CKAP5: variants seen among roughly 807,000 people sequenced by gnomAD.
CKAP5 encodes the protein cytoskeleton associated protein 5.
In CKAP5, 27 loss-of-function variants were observed where a neutral mutation model predicts 232.8. The ratio of observed to expected loss-of-function variants is 0.12; its 90% CI spans 0.09 to 0.16. CKAP5 has a LOEUF of 0.16. CKAP5 is among the 10% of genes least tolerant of loss of function. The pLI is 1.00. For synonymous variants in CKAP5, 785 were observed against 841.1 expected (o/e 0.93, Z 1.16); for missense variants, 1,838 against 2,424.7 (o/e 0.76, Z 5.08).
At chr11:46,828,630 T>G (rs547898518) in intron 1 of CKAP5, among the ~76,000 whole-genome samples, 65 of 152,138 alleles carry the variant, frequency 4.3e-4, no homozygotes, top group Non-Finnish European at 6.6e-4. Context: ...TTCAGTTAAC[T>G]GCAATAAACA....
intron 31 of CKAP5, 185 bp downstream of exon 31, chr11:46,762,442 T>C (rs1483311045): frequency 1.1e-6 from 1 of 876,272 alleles, no homozygotes; most frequent in East Asian, 2.4e-5. Context: ...TGATACTGAG[T>C]GGTGCCTGTA....
intron 15 of CKAP5, among the ~76,000 whole-genome samples, 182 bp from the exon 16 acceptor site, chr11:46,788,955 C>T (rs1457701431): frequency 1.3e-5 from 2 of 152,168 alleles, no homozygotes; most frequent in Non-Finnish European, 1.5e-5. Context: ...GTTTTTATGT[C>T]TATAATGCTT....
rs192684474 is a variant in CKAP5 at position 46,784,711 on chromosome 11, C to T, written c.1969-38G>A. On this transcript the variant is annotated intron_variant, in intron 16 of 43. Transcript: ENST00000529230. ...CAGTATCATAAAGCTAAGAGCAAGC[C>T]AAGGACATTTATTTATTTACTTGTA... The T allele has an allele frequency of 1.2e-4, 178 of 1,499,798 alleles. No individual in the cohort carries two copies. The Admixed American group carries it at 2.9e-3, about 24-fold the overall frequency. 92.9% of individuals were successfully genotyped at this position (1,499,798 alleles called of 1,614,324 possible).
chr11:46,807,953 A>C, intron 8 of CKAP5, 78 bp downstream of exon 8: 1 of 940,380 alleles, frequency 1.1e-6, no homozygotes, highest in East Asian at 2.4e-5. Context: ...ATGTATGTGT[A>C]ATTAAAAAGA....
chr11:46,780,899 C>A lies in CKAP5; in HGVS notation c.2250-414G>T, dbSNP rs1342120020. Among the ~76,000 whole-genome samples, 4 of 152,212 alleles carry A rather than the reference C, an allele frequency of 2.6e-5. No homozygotes were observed. In the East Asian group the frequency reaches 7.7e-4, roughly 29 times the overall value. Reference sequence around the variant, plus strand: ...TCAGCCTCCCAAAGTGCTGGGATTACAGGCATGAGCTACCACACCCAGCCT... The same window carrying A: ...TCAGCCTCCCAAAGTGCTGGGATTAAAGGCATGAGCTACCACACCCAGCCT... On this transcript the variant is annotated intron_variant, in intron 18 of 43. Coordinates refer to ENST00000529230, the MANE Select transcript of CKAP5 (RefSeq NM_001008938.4).
Position 46,762,882 on chromosome 11 carries a change from T to C in CKAP5, c.3891+94A>G, listed in dbSNP as rs971238206. On this transcript the variant is annotated intron_variant, in intron 30 of 43. Coordinates refer to ENST00000529230, the MANE Select transcript of CKAP5 (RefSeq NM_001008938.4). ...GGGATAAGTAGGGAAGGTACCGTGA[T>C]ATAATCAGTAAAAAAGGGAGAGGAA... The C allele has an allele frequency of 1.3e-5, 19 of 1,440,398 alleles. No individual in the cohort carries two copies. The African/African-American group carries it at 2.0e-4, about 15-fold the overall frequency. 89.2% of individuals were successfully genotyped at this position (1,440,398 alleles called of 1,614,324 possible).
intron 35 of CKAP5, among the ~76,000 whole-genome samples, chr11:46,758,210 C>T (rs2065125466): frequency 6.6e-6 from 1 of 152,134 alleles, no homozygotes; most frequent in Non-Finnish European, 1.5e-5. Context: ...CACTATGCTC[C>T]AGGCACATGA....
At chr11:46,752,255 C>A (rs1391126703) in intron 38 of CKAP5, among the ~76,000 whole-genome samples, 2 of 136,848 alleles carry the variant, frequency 1.5e-5, no homozygotes, top group Admixed American at 7.7e-5. Flanking sequence ...ACATATATAA[C>A]ATATTAAGAT....
At chr11:46,790,691 G>T in intron 13 of CKAP5, 108 bp from the exon 14 acceptor site, 1 of 710,422 alleles carries the variant, frequency 1.4e-6, no homozygotes, top group Non-Finnish European at 2.3e-6. Flanking sequence ...TGTCGAGCCT[G>T]GAATGCAGCT....
rs2134671003 is a variant in CKAP5 at position 46,809,480 on chromosome 11, C to A, written c.784G>T (p.Val262Leu). The A allele has an allele frequency of 6.2e-7, 1 of 1,612,752 alleles. No homozygotes were observed. Among genetic ancestry groups the A allele is most frequent in the Non-Finnish European group, 8.5e-7 (1 of 1,179,132 alleles). The change falls in exon 7 of 44, where the codon GTG (valine) becomes TTG (leucine). Residue 262 changes from valine (V) to leucine (L), a missense_variant. Coordinates refer to ENST00000529230, the MANE Select transcript of CKAP5 (RefSeq NM_001008938.4). ...AEGGGDDGDEVPQIDAYELLE... is the reference protein window; with the variant it reads ...AEGGGDDGDELPQIDAYELLE... ...AGCTCATAAGCATCTATTTGTGGCA[C>A]CTCATCACCATCATCACCACCTTTA...
chr11:46,837,314 A>G (rs1939939615), intron 1 of CKAP5, among the ~76,000 whole-genome samples: 1 of 152,134 alleles, frequency 6.6e-6, no homozygotes, highest in African/African-American at 2.4e-5. Context: ...CACCAGTAGG[A>G]ACTCATGTTT....
At chr11:46,821,311 C>T in intron 1 of CKAP5, 43 bp from the exon 2 acceptor site, 4 of 885,052 alleles carry the variant, frequency 4.5e-6, no homozygotes, top group Non-Finnish European at 5.4e-6. Context: ...ACCAGGCAGT[C>T]TCTTAAGACA....
intron 24 of CKAP5, among the ~76,000 whole-genome samples, chr11:46,775,831 G>A (rs377322255): frequency 1.3e-5 from 2 of 152,176 alleles, no homozygotes; most frequent in Non-Finnish European, 2.9e-5. Flanking sequence ...GGGGGTTAGC[G>A]GGGCAAGGGG....
chr11:46,829,684 G>C (rs1939732439), intron 1 of CKAP5, among the ~76,000 whole-genome samples: 1 of 152,072 alleles, frequency 6.6e-6, no homozygotes, highest in African/African-American at 2.4e-5. Flanking sequence ...TAAAGTTTTG[G>C]GGGTGTCTAA....
At chr11:46,749,322 G>A (rs1422767098) in intron 42 of CKAP5, among the ~76,000 whole-genome samples, 1 of 151,706 alleles carries the variant, frequency 6.6e-6, no homozygotes, top group Non-Finnish European at 1.5e-5. Flanking sequence ...GGGTGTGGTG[G>A]CACCCGCCTG....
At chr11:46,793,150 A>T (rs1938781609) in intron 13 of CKAP5, among the ~76,000 whole-genome samples, 1 of 152,212 alleles carries the variant, frequency 6.6e-6, no homozygotes, top group Admixed American at 6.5e-5. Flanking sequence ...AAAATATCAG[A>T]GCATGTGTAG....
In CKAP5 at chr11:46,828,503, T is replaced by C. The variant is rs539562575; in HGVS notation, c.-37-7235A>G. Among the ~76,000 whole-genome samples, 3 of 152,348 alleles carry C rather than the reference T, an allele frequency of 2.0e-5. No homozygotes were observed. The South Asian group carries it at 6.2e-4, about 32-fold the overall frequency. On this transcript the variant is annotated intron_variant, in intron 1 of 43. Transcript: ENST00000529230. ...AGTTCCTCAAGGGCAAGGGCTGGAATGTATCTTAATTATCTTTTTCTTCCA... is the reference window on the plus strand; with the variant it reads ...AGTTCCTCAAGGGCAAGGGCTGGAACGTATCTTAATTATCTTTTTCTTCCA...
At chr11:46,796,390 A>G (rs914197312) in intron 12 of CKAP5, among the ~76,000 whole-genome samples, 6 of 152,228 alleles carry the variant, frequency 3.9e-5, no homozygotes, top group African/African-American at 9.7e-5. Flanking sequence ...AAATAAATTT[A>G]TCTCACAGAA....
intron 32 of CKAP5, among the ~76,000 whole-genome samples, chr11:46,761,216 T>A (rs1425699082): frequency 7.6e-6 from 1 of 132,330 alleles, no homozygotes; most frequent in Non-Finnish European, 1.5e-5. Flanking sequence ...ACCACTGCAC[T>A]CCAACCTAGG....
Sources: allele counts gnomAD v4.1 joint callset (sites outside exome capture counted in the v4.1 genomes callset), GRCh38; gene constraint gnomAD v4.1.1; transcripts MANE v1.5; gene names NCBI Gene and HGNC (gene_info 2026-07-23, HGNC 2026-07-21).